The following DNPEP variants were observed in gnomAD, a reference collection of about 807,000 sequenced individuals.
DNPEP encodes aspartyl aminopeptidase.
Under a neutral mutation model 59.1 loss-of-function variants are expected in DNPEP, and 46 were observed. The observed-to-expected ratio is 0.78, with a 90% confidence interval of 0.61 to 0.99. DNPEP has a LOEUF of 0.99. Among genes scored for constraint, DNPEP ranks in the 50% least tolerant of loss-of-function variants. DNPEP has a pLI of 0.00. For missense variants in DNPEP, 617 were observed against 649.9 expected (o/e 0.95, Z 0.55); for synonymous variants, 229 against 242.2 (o/e 0.95, Z 0.50).
intron 1 of DNPEP, among the ~76,000 whole-genome samples, chr2:219,399,068 CTTAAGT>C (rs1954144456): frequency 6.6e-6 from 1 of 151,272 alleles, no homozygotes; most frequent in Non-Finnish European, 1.5e-5. Flanking sequence ...CTTGCAAGCA[CTTAAGT>C]TTGAGTAAAT....
At position 219,387,825 on chromosome 2, in the gene DNPEP, C is replaced by T. The variant is rs747402750; in HGVS notation, c.-31G>A. On this transcript the variant is annotated 5_prime_UTR_variant, in exon 1 of 15. Transcript: ENST00000273075. ...CTCCGGGCTCGGCCCGCCCCCACCG[C>T]GCCGCCTGCCCCGCCCCTCACTAGC... 3.5e-5 allele frequency: 54 copies of T among 1,554,364 alleles called. 1 individual carries two copies. The highest frequency in any genetic ancestry group is 9.7e-5 in the Admixed American group (5 of 51,706).
chr2:219,382,093 A>G lies in DNPEP; in HGVS notation c.983T>C (p.Leu328Pro), dbSNP rs1385521455. The G allele has an allele frequency of 1.9e-6, 3 of 1,613,520 alleles. No homozygotes were observed. In the East Asian group the frequency reaches 6.7e-5, roughly 36 times the overall value. ...AQGAQSLLTE[L>P]VLRRISASCQ... is the part of the protein sequence containing the mutation. ...CGAGGCTGAGATCCGCCGCAGCACC[A>G]GCTCTGTCAGCAGTGACTGTGCTCC... is the stretch of plus-strand genomic sequence containing the variant. The change falls in exon 11 of 15, where the codon CTG becomes CCG. Residue 328 changes from leucine to proline, a missense_variant. Physicochemically the swap from Leu to Pro is moderately conservative, Grantham distance 98. Coordinates refer to ENST00000273075, the MANE Select transcript of DNPEP (RefSeq NM_012100.4).
chr2:219,392,539 C>T (rs1177333852), upstream of DNPEP, among the ~76,000 whole-genome samples: 1 of 152,016 alleles, frequency 6.6e-6, no homozygotes, highest in African/African-American at 2.4e-5. Flanking sequence ...GATGGAGTCT[C>T]ACTCTGTTGT....
Position 219,375,009 on chromosome 2 carries a change from C to T in DNPEP, c.1253G>A (p.Arg418Gln), listed in dbSNP as rs775439147. 5.0e-6 allele frequency: 8 copies of T among 1,613,900 alleles called. No individual in the cohort carries two copies. The highest frequency in any genetic ancestry group is 4.0e-5 in the African/African-American group (3 of 74,870). Residue 418 changes from arginine to glutamine, a missense_variant, in exon 14 of 15, where the codon CGG becomes CAG. Transcript: ENST00000273075. ...VKVPLQDLMV[R>Q]NDTPCGTTIG... is the part of the protein sequence containing the mutation. ...GGTGGTTCCACAGGGGGTGTCATTC[C>T]GGACCATGAGATCCTAGGGAGAGCA...
rs1953254679 is a variant in DNPEP at position 219,373,450 on chromosome 2, C to G, written c.*842G>C. 6.6e-6 allele frequency: 1 copy of G among 152,242 alleles called. No homozygotes were observed. The highest frequency in any genetic ancestry group is 2.4e-5 in the African/African-American group (1 of 41,446). 9.4% of individuals were successfully genotyped at this position (152,242 alleles called of 1,614,324 possible). On this transcript the variant is annotated 3_prime_UTR_variant, in exon 15 of 15. Coordinates refer to ENST00000273075, the MANE Select transcript of DNPEP (RefSeq NM_012100.4). ...TCTCAGCTCACTGCAACCTACGCCT[C>G]CTTGGTTCAAGCTATTCTCCTGCCT...
In DNPEP at chr2:219,385,692, G is replaced by C. The variant is rs751923522; in HGVS notation, c.605C>G (p.Ala202Gly). 3 of 1,605,598 alleles carry C rather than the reference G, an allele frequency of 1.9e-6. No homozygotes were observed. Among genetic ancestry groups the C allele is most frequent in the Non-Finnish European group, 2.6e-6 (3 of 1,175,608 alleles). The change falls in exon 7 of 15, where the codon GCC becomes GGC. Residue 202 changes from alanine (A) to glycine (G), a missense_variant. By Grantham distance (60) the Ala-to-Gly change is moderately conservative. Transcript: ENST00000273075. ...NTEMHLVPIL[A>G]TAIQEELEKG... is the part of the protein sequence containing the mutation. ...CTCCAGCTCCTCCTGGATGGCTGTG[G>C]CAAGAATGGGGACTCTGTGGGGAGA...
chr2:219,384,403 C>T lies in DNPEP; in HGVS notation c.815G>A (p.Arg272Gln), dbSNP rs752488599. ...GAAGCAGCTGTGCAGATTGTCCAGC[C>T]GAGGAGCAAAGATGAACTCATCATA... ...GAYDEFIFAP[R>Q]LDNLHSCFCA... The change falls in exon 9 of 15, where the codon CGG becomes CAG. Residue 272 changes from arginine to glutamine, a missense_variant. Coordinates refer to ENST00000273075, the MANE Select transcript of DNPEP (RefSeq NM_012100.4). The T allele has an allele frequency of 2.5e-5, 40 of 1,611,874 alleles. No homozygotes were observed. The South Asian group carries it at 2.7e-4, about 11-fold the overall frequency.
intron 1 of DNPEP, 167 bp from the exon 2 acceptor site, chr2:219,387,330 G>C: frequency 6.9e-7 from 1 of 1,443,170 alleles, no homozygotes; most frequent in Non-Finnish European, 9.1e-7. Context: ...CTGAAACTCC[G>C]TTGAAAGCTT....
At chr2:219,380,795 C>T (rs1330250223) in intron 13 of DNPEP, among the ~76,000 whole-genome samples, 1 of 146,982 alleles carries the variant, frequency 6.8e-6, no homozygotes, top group Non-Finnish European at 1.5e-5. Context: ...TGTGTATACA[C>T]AATACTGTCA....
chr2:219,387,738 G>T (rs957075304), intron 1 of DNPEP, 21 bp downstream of exon 1: 12 of 1,607,632 alleles, frequency 7.5e-6, no homozygotes, highest in Non-Finnish European at 1.0e-5. Flanking sequence ...AATTCAAGTG[G>T]GGCCGTCGGG....
intron 13 of DNPEP, among the ~76,000 whole-genome samples, chr2:219,375,280 C>T (rs1953325604): frequency 6.6e-6 from 1 of 152,122 alleles, no homozygotes. Context: ...AGTATCCATC[C>T]TTGTCACCCT....
In DNPEP at chr2:219,374,110, G is replaced by T; in HGVS notation, c.*182C>A. The T allele has an allele frequency of 1.7e-6, 1 of 602,836 alleles. No homozygotes were observed. The highest frequency in any genetic ancestry group is 2.9e-6 in the Non-Finnish European group (1 of 340,220). 37.3% of individuals were successfully genotyped at this position (602,836 alleles called of 1,614,324 possible). A position where few individuals can be genotyped will look rare whatever the true frequency, so the allele number is the denominator to read the frequency against. ...CCCAGGAGTGTGGCCTCCTCCACCT[G>T]CTCCCCAACTTTTCTGGTTCCAAAG... is the stretch of plus-strand genomic sequence containing the variant. On this transcript the variant is annotated 3_prime_UTR_variant, in exon 15 of 15. Coordinates refer to ENST00000273075, the MANE Select transcript of DNPEP (RefSeq NM_012100.4).
chr2:219,392,380 T>G (rs1954032177), upstream of DNPEP, among the ~76,000 whole-genome samples: 1 of 151,620 alleles, frequency 6.6e-6, no homozygotes, highest in African/African-American at 2.4e-5. Context: ...GGAGTCTCGC[T>G]CTGTTGCCCA....
chr2:219,395,653 G>A (rs1954084449), intron 1 of DNPEP, among the ~76,000 whole-genome samples: 1 of 152,184 alleles, frequency 6.6e-6, no homozygotes, highest in African/African-American at 2.4e-5. Flanking sequence ...AACTCTTGGC[G>A]TTAGCCTTGG....
In DNPEP at chr2:219,384,427, T is replaced by C. The variant is rs780729824; in HGVS notation, c.791A>G (p.Tyr264Cys). ...DTQPAVLGGAYDEFIFAPRLD... is the reference protein window; with the variant it reads ...DTQPAVLGGACDEFIFAPRLD... ...CCGAGGAGCAAAGATGAACTCATCA[T>C]AGGCACCACCCAAGACCTAGAGAGG... Residue 264 changes from tyrosine to cysteine, a missense_variant, in exon 9 of 15, where the codon TAT (tyrosine) becomes TGT (cysteine). By Grantham distance (194) the Tyr-to-Cys change is radical (BLOSUM62 -2). Transcript: ENST00000273075. The C allele has an allele frequency of 4.3e-6, 7 of 1,611,570 alleles. No individual in the cohort carries two copies. Among genetic ancestry groups the C allele is most frequent in the Middle Eastern group, 1.6e-4 (1 of 6,062 alleles).
chr2:219,396,418 T>A (rs1954097979), intron 1 of DNPEP, among the ~76,000 whole-genome samples: 1 of 151,940 alleles, frequency 6.6e-6, no homozygotes, highest in Admixed American at 6.6e-5. Flanking sequence ...TGAAGCCCCA[T>A]CTCTACTAAA....
At chr2:219,396,819 T>C (rs1224706282) in intron 1 of DNPEP, among the ~76,000 whole-genome samples, 1 of 152,126 alleles carries the variant, frequency 6.6e-6, no homozygotes, top group Non-Finnish European at 1.5e-5. Context: ...GATGTAACCA[T>C]CTGGGGAAAC....
intron 8 of DNPEP, 70 bp from the exon 9 acceptor site, chr2:219,384,513 G>GA: frequency 7.3e-7 from 1 of 1,364,012 alleles, no homozygotes; most frequent in Non-Finnish European, 1.0e-6. Flanking sequence ...TGCTCCCAAG[G>GA]GTCTCCTTGG....
intron 9 of DNPEP, among the ~76,000 whole-genome samples, chr2:219,383,928 G>A (rs536940983): frequency 1.3e-5 from 2 of 152,200 alleles, no homozygotes; most frequent in Non-Finnish European, 2.9e-5. Context: ...AAGGTGACTA[G>A]GAAGAGAGGC....
Sources: allele counts gnomAD v4.1 joint callset (sites outside exome capture counted in the v4.1 genomes callset), GRCh38; gene constraint gnomAD v4.1.1; transcripts MANE v1.5; gene names NCBI Gene and HGNC (gene_info 2026-07-23, HGNC 2026-07-21).